The following SH3RF3 variants were observed in gnomAD, a reference collection of about 807,000 sequenced individuals.
SH3RF3 encodes the protein E3 ubiquitin-protein ligase SH3RF3.
SH3RF3 carries 29 observed loss-of-function variants against 66.3 expected under a neutral mutation model. The observed-to-expected ratio is 0.44, with a 90% CI of 0.33 to 0.60. SH3RF3 has a LOEUF of 0.60. SH3RF3 is among the 20% of genes least tolerant of loss of function. SH3RF3 has a pLI of 0.04. For missense variants in SH3RF3, 1,194 were observed against 1,190.9 expected (o/e 1.00, Z -0.04); for synonymous variants, 583 against 532.0 (o/e 1.10, Z -1.32).
chr2:109,144,954 G>T (rs1677057545), intron 1 of SH3RF3, among the ~76,000 whole-genome samples: 1 of 152,240 alleles, frequency 6.6e-6, no homozygotes, highest in Non-Finnish European at 1.5e-5. Context: ...GTTCAGTGCC[G>T]ATCTCAGGGC....
At chr2:109,241,933 T>A (rs1369687889) in intron 1 of SH3RF3, among the ~76,000 whole-genome samples, 1 of 151,944 alleles carries the variant, frequency 6.6e-6, no homozygotes, top group Non-Finnish European at 1.5e-5. Flanking sequence ...TGCTTGGACC[T>A]GAGACACGAT....
At chr2:109,191,993 C>G (rs1678378448) in intron 1 of SH3RF3, among the ~76,000 whole-genome samples, 1 of 152,130 alleles carries the variant, frequency 6.6e-6, no homozygotes, top group Non-Finnish European at 1.5e-5. Flanking sequence ...TACAAACCCT[C>G]CCCCTCCACC....
At chr2:109,300,092 G>A (rs1174235307) in intron 1 of SH3RF3, among the ~76,000 whole-genome samples, 1 of 152,198 alleles carries the variant, frequency 6.6e-6, no homozygotes, top group Non-Finnish European at 1.5e-5. Context: ...GAGCAGCAAG[G>A]ATAAGAGAGG....
At chr2:109,321,773 C>G (rs1682032348) in intron 1 of SH3RF3, among the ~76,000 whole-genome samples, 1 of 152,198 alleles carries the variant, frequency 6.6e-6, no homozygotes, top group South Asian at 2.1e-4. Context: ...TACTGTTATT[C>G]TGCTAGAGAG....
At chr2:109,154,153 G>A (rs891126540) in intron 1 of SH3RF3, among the ~76,000 whole-genome samples, 4 of 152,148 alleles carry the variant, frequency 2.6e-5, no homozygotes, top group African/African-American at 9.7e-5. Context: ...GTCTTGGTTA[G>A]GGTTCAAAAT....
intron 1 of SH3RF3, among the ~76,000 whole-genome samples, chr2:109,321,112 G>A (rs1192914479): frequency 1.4e-4 from 22 of 152,238 alleles, no homozygotes; most frequent in Admixed American, 1.4e-3. Flanking sequence ...AGTATTCATG[G>A]AAGAAAGACT....
At chr2:109,296,739 A>G (rs1681318584) in intron 1 of SH3RF3, among the ~76,000 whole-genome samples, 1 of 152,146 alleles carries the variant, frequency 6.6e-6, no homozygotes, top group South Asian at 2.1e-4. Context: ...AGGGGAGTGC[A>G]GAGGATTCGC....
At chr2:109,399,115 C>T (rs750225860) in intron 4 of SH3RF3, among the ~76,000 whole-genome samples, 172 bp downstream of exon 4, 7 of 152,178 alleles carry the variant, frequency 4.6e-5, no homozygotes, top group Non-Finnish European at 7.4e-5. Context: ...CCCCTAGAAG[C>T]GTGGAGAATG....
chr2:109,162,859 G>T (rs923286303), intron 1 of SH3RF3, among the ~76,000 whole-genome samples: 8 of 140,258 alleles, frequency 5.7e-5, no homozygotes, highest in Non-Finnish European at 1.2e-4. Flanking sequence ...CCTTGGTATT[G>T]CAGGGTTAGA....
At chr2:109,180,202 A>G (rs1678044336) in intron 1 of SH3RF3, among the ~76,000 whole-genome samples, 1 of 151,850 alleles carries the variant, frequency 6.6e-6, no homozygotes, top group South Asian at 2.1e-4. Context: ...GCTGCCACTG[A>G]ACCACTGCCC....
In SH3RF3 at chr2:109,297,304, G is replaced by T. The variant is rs142887479; in HGVS notation, c.574-50370G>T. On this transcript the variant is annotated intron_variant, in intron 1 of 9. Coordinates refer to ENST00000309415, the MANE Select transcript of SH3RF3 (RefSeq NM_001099289.3). Reference sequence around the variant, plus strand: ...TACGTAACAGAGAAGACTGACTTCTGCTTCCATCTTCGATGAGACCCTTTG... The same window carrying T: ...TACGTAACAGAGAAGACTGACTTCTTCTTCCATCTTCGATGAGACCCTTTG... 4.7e-4 allele frequency among the ~76,000 whole-genome samples: 72 copies of T among 152,238 alleles called. No homozygotes were observed. In the East Asian group the frequency reaches 0.012, roughly 25 times the overall value.
At chr2:109,221,025 G>A (rs1679224161) in intron 1 of SH3RF3, among the ~76,000 whole-genome samples, 1 of 152,142 alleles carries the variant, frequency 6.6e-6, no homozygotes, top group East Asian at 1.9e-4. Flanking sequence ...AGATGACAGG[G>A]TAAACAAAAT....
intron 1 of SH3RF3, among the ~76,000 whole-genome samples, chr2:109,292,553 T>TA (rs1681211890): frequency 6.6e-6 from 1 of 152,226 alleles, no homozygotes; most frequent in Non-Finnish European, 1.5e-5. Flanking sequence ...TTTCTCTACT[T>TA]TAAATGACAT....
chr2:109,340,749 G>A (rs1310960514), intron 1 of SH3RF3, among the ~76,000 whole-genome samples: 1 of 152,116 alleles, frequency 6.6e-6, no homozygotes, highest in Admixed American at 6.5e-5. Context: ...TAAGAAGCAC[G>A]GAAGGGCAGA....
At chr2:109,469,619 G>A (rs1235172999) in intron 8 of SH3RF3, among the ~76,000 whole-genome samples, 1 of 152,136 alleles carries the variant, frequency 6.6e-6, no homozygotes, top group African/African-American at 2.4e-5. Context: ...GGCCCCAGTG[G>A]CTCAGAGTGA....
intron 1 of SH3RF3, among the ~76,000 whole-genome samples, chr2:109,248,644 A>G (rs1424662723): frequency 2.6e-5 from 4 of 152,222 alleles, no homozygotes; most frequent in African/African-American, 9.7e-5. Context: ...AAGTGCAAGC[A>G]AATAATTAGT....
At chr2:109,441,268 C>T (rs911334846) in intron 7 of SH3RF3, among the ~76,000 whole-genome samples, 36 of 151,836 alleles carry the variant, frequency 2.4e-4, no homozygotes, top group Non-Finnish European at 4.7e-4. Context: ...TCAAAACTGA[C>T]CCCAAATTGA....
intron 1 of SH3RF3, among the ~76,000 whole-genome samples, chr2:109,332,432 C>A (rs1025141660): frequency 4.6e-5 from 7 of 152,198 alleles, no homozygotes; most frequent in African/African-American, 1.7e-4. Context: ...GGGTGCAGGT[C>A]TTCCTGGACG....
intron 4 of SH3RF3, among the ~76,000 whole-genome samples, chr2:109,406,699 A>G (rs1334680742): frequency 6.6e-6 from 1 of 152,192 alleles, no homozygotes; most frequent in African/African-American, 2.4e-5. Flanking sequence ...TAAGACCCAC[A>G]CAGCCTGAAA....
Sources: gnomAD v4.1 joint callset for allele counts (sites outside exome capture counted in the v4.1 genomes callset) on GRCh38, gnomAD v4.1.1 for gene constraint, MANE v1.5 for transcripts, NCBI Gene and HGNC (gene_info 2026-07-23, HGNC 2026-07-21) for gene names.